The following SLC24A3 variants were observed in gnomAD, a reference collection of about 807,000 sequenced individuals.
SLC24A3 encodes sodium/potassium/calcium exchanger 3.
Under a neutral mutation model 75.8 loss-of-function variants are expected in SLC24A3, and 28 were observed. The ratio of observed to expected loss-of-function variants is 0.37; its 90% CI spans 0.27 to 0.51. SLC24A3 has a LOEUF of 0.51. Among genes scored for constraint, SLC24A3 ranks in the 20% least tolerant of loss-of-function variants. SLC24A3 has a pLI of 0.94. For synonymous variants in SLC24A3, 372 were observed against 334.1 expected (o/e 1.11, Z -1.24); for missense variants, 663 against 847.8 (o/e 0.78, Z 2.71).
At chr20:19,214,024 G>A (rs1394965466) in intron 1 of SLC24A3, among the ~76,000 whole-genome samples, 1 of 152,192 alleles carries the variant, frequency 6.6e-6, no homozygotes, top group African/African-American at 2.4e-5. Flanking sequence ...AATGCAAGAT[G>A]TCATGAGGTG....
intron 2 of SLC24A3, among the ~76,000 whole-genome samples, chr20:19,406,753 G>T (rs970357332): frequency 1.3e-5 from 2 of 152,200 alleles, no homozygotes; most frequent in African/African-American, 4.8e-5. Flanking sequence ...CTCGGTGGCT[G>T]GTTCAGCACC....
At chr20:19,270,834 G>A (rs1983308137) in intron 1 of SLC24A3, among the ~76,000 whole-genome samples, 1 of 152,150 alleles carries the variant, frequency 6.6e-6, no homozygotes. Context: ...GATACTAGAA[G>A]AGAGGAGAGA....
intron 2 of SLC24A3, among the ~76,000 whole-genome samples, chr20:19,439,251 G>A (rs1987259940): frequency 1.3e-5 from 2 of 152,348 alleles, no homozygotes; most frequent in South Asian, 4.1e-4. Context: ...GCCATCCCAG[G>A]TCTGGGGATC....
At chr20:19,457,594 T>C (rs1481618728) in intron 2 of SLC24A3, among the ~76,000 whole-genome samples, 1 of 152,208 alleles carries the variant, frequency 6.6e-6, no homozygotes, top group East Asian at 1.9e-4. Context: ...AGTGGTACAG[T>C]AGTGGAAGCT....
chr20:19,671,023 G>A (rs1568692089), intron 8 of SLC24A3, among the ~76,000 whole-genome samples: 1 of 152,220 alleles, frequency 6.6e-6, no homozygotes, highest in East Asian at 1.9e-4. Flanking sequence ...TAATAAATGA[G>A]TAATAAATAT....
At chr20:19,283,056 A>C (rs1429916830) in intron 2 of SLC24A3, 1 of 152,626 alleles carries the variant, frequency 6.6e-6, no homozygotes, top group Non-Finnish European at 1.5e-5. Context: ...ATATGGGAGG[A>C]AGCAAAAGCA....
intron 2 of SLC24A3, among the ~76,000 whole-genome samples, chr20:19,425,057 C>T (rs1986982421): frequency 6.6e-6 from 1 of 152,120 alleles, no homozygotes; most frequent in Non-Finnish European, 1.5e-5. Context: ...GTAATCCCAG[C>T]ACTTTGGGAG....
At chr20:19,286,041 T>C (rs1983808152) in intron 2 of SLC24A3, among the ~76,000 whole-genome samples, 1 of 152,178 alleles carries the variant, frequency 6.6e-6, no homozygotes, top group Non-Finnish European at 1.5e-5. Flanking sequence ...TGATGGCCTT[T>C]GGTGTGGGCT....
intron 15 of SLC24A3, among the ~76,000 whole-genome samples, chr20:19,714,364 C>T (rs1282679746): frequency 1.3e-5 from 2 of 148,816 alleles, no homozygotes; most frequent in Non-Finnish European, 3.0e-5. Context: ...ATGATTTCAC[C>T]TCTGCACTCC....
intron 3 of SLC24A3, among the ~76,000 whole-genome samples, chr20:19,551,534 G>C (rs1161187671): frequency 6.6e-6 from 1 of 152,182 alleles, no homozygotes; most frequent in African/African-American, 2.4e-5. Flanking sequence ...TCTTCATGGT[G>C]AGTGTAGAGA....
At chr20:19,239,282 T>C (rs963815372) in intron 1 of SLC24A3, among the ~76,000 whole-genome samples, 1 of 152,142 alleles carries the variant, frequency 6.6e-6, no homozygotes, top group Non-Finnish European at 1.5e-5. Flanking sequence ...GCAGCCCCAG[T>C]ACCCTCAGAT....
intron 6 of SLC24A3, among the ~76,000 whole-genome samples, chr20:19,649,917 G>A (rs1436340423): frequency 6.6e-6 from 1 of 152,188 alleles, no homozygotes; most frequent in Admixed American, 6.5e-5. Flanking sequence ...ATGGTATTGG[G>A]CCTCTGCAAG....
At position 19,316,526 on chromosome 20, in the gene SLC24A3, A is replaced by G. The variant is rs555742388; in HGVS notation, c.271+35439A>G. Among the ~76,000 whole-genome samples the G allele has an allele frequency of 3.5e-4, 53 of 152,338 alleles. No homozygotes were observed. The South Asian group carries it at 0.011, about 32-fold the overall frequency. On this transcript the variant is annotated intron_variant, in intron 2 of 16. Transcript: ENST00000328041. ...GCTATGGCTCATAAATCAGTCAAAT[A>G]AAAAAATCCAATCTTGAAAATGTCT...
chr20:19,462,630 C>T (rs1987698143), intron 2 of SLC24A3, among the ~76,000 whole-genome samples: 2 of 152,208 alleles, frequency 1.3e-5, no homozygotes, highest in South Asian at 4.1e-4. Flanking sequence ...CTTGTGCGCT[C>T]CTGGCTTGAT....
intron 6 of SLC24A3, among the ~76,000 whole-genome samples, chr20:19,613,805 A>G (rs1490092833): frequency 6.6e-6 from 1 of 152,178 alleles, no homozygotes; most frequent in Non-Finnish European, 1.5e-5. Context: ...CACCCAGATG[A>G]AGGCTTCCTT....
chr20:19,353,815 C>T (rs1342974073), intron 2 of SLC24A3, among the ~76,000 whole-genome samples: 1 of 152,178 alleles, frequency 6.6e-6, no homozygotes, highest in Non-Finnish European at 1.5e-5. Flanking sequence ...TAAAAGCTGA[C>T]AATACCAAGT....
intron 2 of SLC24A3, among the ~76,000 whole-genome samples, chr20:19,416,675 A>T (rs1986833158): frequency 6.6e-6 from 1 of 152,236 alleles, no homozygotes; most frequent in Admixed American, 6.5e-5. Flanking sequence ...GCAGTTCACT[A>T]CAGAGAGCCT....
At chr20:19,408,217 A>G (rs999111457) in intron 2 of SLC24A3, among the ~76,000 whole-genome samples, 1 of 152,208 alleles carries the variant, frequency 6.6e-6, no homozygotes, top group Non-Finnish European at 1.5e-5. Context: ...CAAGTAAAAA[A>G]TACTAATTAT....
At chr20:19,413,631 G>A (rs991588911) in intron 2 of SLC24A3, among the ~76,000 whole-genome samples, 1 of 152,088 alleles carries the variant, frequency 6.6e-6, no homozygotes, top group Admixed American at 6.6e-5. Context: ...CCTCACCTTT[G>A]CAGCAGACTG....
Sources: allele counts gnomAD v4.1 joint callset (sites outside exome capture counted in the v4.1 genomes callset), GRCh38; gene constraint gnomAD v4.1.1; transcripts MANE v1.5; gene names NCBI Gene and HGNC (gene_info 2026-07-23, HGNC 2026-07-21).